PHAX: variants seen among roughly 807,000 people sequenced by gnomAD.
PHAX encodes phosphorylated adaptor for RNA export.
PHAX carries 31 observed loss-of-function variants against 41.6 expected under a neutral mutation model. The observed-to-expected ratio is 0.75, with a 90% confidence interval of 0.56 to 1.01. The LOEUF is 1.01. PHAX is among the 50% of genes least tolerant of loss of function. PHAX has a pLI of 0.00. For missense variants in PHAX, 453 were observed against 472.9 expected (o/e 0.96, Z 0.39); for synonymous variants, 175 against 164.9 (o/e 1.06, Z -0.47).
At chr5:126,618,624 A>AT (rs1752223156) in intron 4 of PHAX, among the ~76,000 whole-genome samples, 1 of 146,900 alleles carries the variant, frequency 6.8e-6, no homozygotes, top group African/African-American at 2.6e-5. Context: ...TTTTTAATTA[A>AT]ATTTTTTTTT....
chr5:126,612,865 C>T (rs926554288), intron 3 of PHAX, among the ~76,000 whole-genome samples: 8 of 152,052 alleles, frequency 5.3e-5, no homozygotes, highest in Admixed American at 4.6e-4. Context: ...GTGGAAGATA[C>T]GGCCAACAGA....
chr5:126,609,852 G>C (rs1752053764), intron 3 of PHAX, among the ~76,000 whole-genome samples: 1 of 152,026 alleles, frequency 6.6e-6, no homozygotes, highest in Non-Finnish European at 1.5e-5. Context: ...CAATTCCCCT[G>C]CCTCAGCCTC....
rs57270218 is a variant in PHAX at position 126,604,274 on chromosome 5, C to CTTTTTTTTTTTTTTTTTTTTTTT, written c.710+110_710+111insTTTTTTTTTTTTTTTTTTTTTTT. On this transcript the variant is annotated intron_variant, in intron 2 of 4. Transcript: ENST00000297540. ...TGCCAAATACTTTAATGATATGTTCCTTTTTTTTTTTTTTTTTTTGGAGAC... is the reference window on the plus strand; with the variant it reads ...TGCCAAATACTTTAATGATATGTTCCTTTTTTTTTTTTTTTTTTTTTTTTTTTTTTTTTTTTTTTTTTGGAGAC... 84 of 645,846 alleles carry CTTTTTTTTTTTTTTTTTTTTTTT rather than the reference C, an allele frequency of 1.3e-4. 10 individuals carry two copies. The African/African-American group carries it at 2.6e-3, about 20-fold the overall frequency. The allele number at this position is 645,846 out of a possible 1,614,324, so 40.0% of individuals were successfully genotyped here. A position where few individuals can be genotyped will look rare whatever the true frequency, so the allele number is the denominator to read the frequency against.
Position 126,603,593 on chromosome 5 carries a change from T to A in PHAX, c.120T>A (p.Ala40=). 1.2e-6 allele frequency: 2 copies of A among 1,613,268 alleles called. No homozygotes were observed. The highest frequency in any genetic ancestry group is 8.5e-7 in the Non-Finnish European group (1 of 1,179,206). ...AGAAAGTGCTAGGTGGCGACAGTGC[T>A]ATGAGGGCCTTCCAGAACACGGCAA... ...QLPKVLGGDS[A]MRAFQNTATA... The change falls in exon 2 of 5, where the codon GCT becomes GCA. Residue 40 remains alanine (A), a synonymous_variant. Transcript: ENST00000297540.
intron 1 of PHAX, among the ~76,000 whole-genome samples, chr5:126,602,687 G>A (rs1479461301): frequency 2.6e-5 from 4 of 152,202 alleles, no homozygotes; most frequent in Non-Finnish European, 5.9e-5. Flanking sequence ...TAAACTTAAT[G>A]CCGTGGACTC....
intron 3 of PHAX, among the ~76,000 whole-genome samples, chr5:126,614,775 G>T (rs1581420335): frequency 6.6e-6 from 1 of 151,638 alleles, no homozygotes; most frequent in Non-Finnish European, 1.5e-5. Flanking sequence ...TATTTTTTTT[G>T]AGATGGAGTC....
intron 3 of PHAX, among the ~76,000 whole-genome samples, chr5:126,610,049 AT>A (rs1258041371): frequency 6.6e-6 from 1 of 152,194 alleles, no homozygotes; most frequent in Admixed American, 6.6e-5. Context: ...CACTTTTGTT[AT>A]GTAAGCACAG....
chr5:126,605,887 A>G (rs1751981058), intron 2 of PHAX, among the ~76,000 whole-genome samples: 1 of 152,216 alleles, frequency 6.6e-6, no homozygotes, highest in African/African-American at 2.4e-5. Context: ...TATATTTTAC[A>G]GATAATATTC....
chr5:126,617,671 G>T (rs1028358481), intron 4 of PHAX, among the ~76,000 whole-genome samples: 1 of 152,016 alleles, frequency 6.6e-6, no homozygotes, highest in Non-Finnish European at 1.5e-5. Flanking sequence ...TAGAGACGGG[G>T]TTTCACCATA....
rs1393329739 is a variant in PHAX at position 126,626,782 on chromosome 5, A to C, written c.*1938A>C. The C allele has an allele frequency of 4.6e-5, 7 of 150,566 alleles. No homozygotes were observed. The highest frequency in any genetic ancestry group is 4.4e-5 in the Non-Finnish European group (3 of 67,958). 9.3% of individuals were successfully genotyped at this position (150,566 alleles called of 1,614,324 possible). ...AAAAATTAGCCGGGCATTGTGGTGC[A>C]TGCCTGTAATCTCAGCTATTTGGGA... On this transcript the variant is annotated 3_prime_UTR_variant, in exon 5 of 5. Coordinates refer to ENST00000297540, the MANE Select transcript of PHAX (RefSeq NM_032177.4).
At chr5:126,615,329 A>C (rs2112834994) in intron 3 of PHAX, among the ~76,000 whole-genome samples, 1 of 152,284 alleles carries the variant, frequency 6.6e-6, no homozygotes, top group South Asian at 2.1e-4. Flanking sequence ...TCAAATCAAT[A>C]CTAGTGGTGG....
chr5:126,624,338 T>C (rs1350707479), intron 4 of PHAX, among the ~76,000 whole-genome samples: 2 of 152,128 alleles, frequency 1.3e-5, no homozygotes, highest in Non-Finnish European at 2.9e-5. Context: ...ACTGTAGAGA[T>C]GATACATTAA....
intron 3 of PHAX, 28 bp from the exon 4 acceptor site, chr5:126,617,222 A>T: frequency 7.0e-7 from 1 of 1,433,334 alleles, no homozygotes; most frequent in Non-Finnish European, 9.8e-7. Flanking sequence ...GAGTATATGC[A>T]GTTTACCTTT....
intron 2 of PHAX, among the ~76,000 whole-genome samples, chr5:126,606,738 G>A (rs993743817): frequency 1.3e-5 from 2 of 152,022 alleles, no homozygotes; most frequent in Admixed American, 1.3e-4. Flanking sequence ...TGCAACCTCC[G>A]CCTCCTGGGT....
intron 3 of PHAX, among the ~76,000 whole-genome samples, chr5:126,608,952 T>C (rs1752034010): frequency 7.5e-6 from 1 of 133,896 alleles, no homozygotes; most frequent in African/African-American, 3.2e-5. Flanking sequence ...AAAAAAAGAA[T>C]AAAAAGAAAA....
intron 3 of PHAX, among the ~76,000 whole-genome samples, chr5:126,609,220 C>T (rs1189627423): frequency 6.6e-6 from 1 of 150,794 alleles, no homozygotes; most frequent in Non-Finnish European, 1.5e-5. Context: ...CCTGCCTCAG[C>T]CCCCCAAGTA....
At chr5:126,611,426 AG>A (rs1283519916) in intron 3 of PHAX, among the ~76,000 whole-genome samples, 1 of 152,112 alleles carries the variant, frequency 6.6e-6, no homozygotes, top group African/African-American at 2.4e-5. Context: ...ACTGTTCTAG[AG>A]GAGGGAGCTT....
intron 3 of PHAX, among the ~76,000 whole-genome samples, chr5:126,614,653 T>G (rs1378107158): frequency 6.6e-6 from 1 of 152,072 alleles, no homozygotes; most frequent in Non-Finnish European, 1.5e-5. Context: ...TGACAAAATT[T>G]TTTTGTCATG....
chr5:126,605,000 C>T (rs1314371027), intron 2 of PHAX, among the ~76,000 whole-genome samples: 3 of 151,836 alleles, frequency 2.0e-5, no homozygotes, highest in Non-Finnish European at 4.4e-5. Context: ...TGCCACTGCA[C>T]TCCAGCCTGG....
Sources: gnomAD v4.1 joint callset for allele counts (sites outside exome capture counted in the v4.1 genomes callset) on GRCh38, gnomAD v4.1.1 for gene constraint, MANE v1.5 for transcripts, NCBI Gene and HGNC (gene_info 2026-07-23, HGNC 2026-07-21) for gene names.